The following WDPCP variants were observed in gnomAD, a reference collection of about 807,000 sequenced individuals.
WDPCP encodes WD repeat-containing and planar cell polarity effector protein fritz homolog.
Under a neutral mutation model 93.1 loss-of-function variants are expected in WDPCP, and 71 were observed. The observed-to-expected ratio is 0.76, with a 90% CI of 0.63 to 0.93. The LOEUF (loss-of-function observed/expected upper bound fraction) is 0.93. WDPCP is among the 40% of genes least tolerant of loss of function. WDPCP has a pLI of 0.00. For missense variants in WDPCP, 844 were observed against 887.4 expected (o/e 0.95, Z 0.62); for synonymous variants, 315 against 315.0 (o/e 1.00, Z 0.00).
chr2:63,707,600 A>T (rs559923932), intron 2 of WDPCP, among the ~76,000 whole-genome samples: 6 of 152,164 alleles, frequency 3.9e-5, no homozygotes, highest in African/African-American at 9.6e-5. Context: ...GAATAGTTTG[A>T]TCTTCTGAAG....
intron 9 of WDPCP, among the ~76,000 whole-genome samples, chr2:63,421,066 G>C (rs187836702): frequency 3.3e-5 from 5 of 152,274 alleles, no homozygotes; most frequent in Admixed American, 3.3e-4. Flanking sequence ...AATAGTGAAT[G>C]AGAGTTCCCT....
At chr2:63,634,225 G>A (rs144325924) in intron 3 of WDPCP, among the ~76,000 whole-genome samples, 51 of 152,290 alleles carry the variant, frequency 3.3e-4, no homozygotes, top group African/African-American at 1.2e-3. Flanking sequence ...GATAGTCCAT[G>A]CAAATGGAAA....
At chr2:63,297,502 A>C (rs1371720416) in intron 13 of WDPCP, among the ~76,000 whole-genome samples, 2 of 152,128 alleles carry the variant, frequency 1.3e-5, no homozygotes, top group African/African-American at 4.8e-5. Flanking sequence ...CATTTCCTCT[A>C]TTATTCTCCT....
At chr2:63,452,818 A>C (rs2105664115) in intron 6 of WDPCP, among the ~76,000 whole-genome samples, 1 of 152,334 alleles carries the variant, frequency 6.6e-6, no homozygotes, top group Middle Eastern at 3.4e-3. Flanking sequence ...TCTTTGACAA[A>C]CCTGACAAAA....
chr2:63,238,609 A>G (rs909710392), intron 14 of WDPCP, among the ~76,000 whole-genome samples: 5 of 152,170 alleles, frequency 3.3e-5, no homozygotes, highest in African/African-American at 1.2e-4. Context: ...GGCTTGCATT[A>G]TATTTCTATT....
chr2:63,406,049 T>C (rs1353784115), intron 9 of WDPCP, among the ~76,000 whole-genome samples: 1 of 152,158 alleles, frequency 6.6e-6, no homozygotes, highest in African/African-American at 2.4e-5. Flanking sequence ...TACTGTACTG[T>C]TTAACAATTT....
At chr2:63,209,002 G>C (rs921899812) in intron 14 of WDPCP, among the ~76,000 whole-genome samples, 66 of 152,284 alleles carry the variant, frequency 4.3e-4, no homozygotes, top group African/African-American at 1.6e-3. Context: ...GTTGTATCTG[G>C]CTGGTGTGAC....
At chr2:63,459,653 C>T (rs1349884259) in intron 6 of WDPCP, among the ~76,000 whole-genome samples, 2 of 152,152 alleles carry the variant, frequency 1.3e-5, no homozygotes, top group Admixed American at 6.5e-5. Context: ...TGGTGGCTCA[C>T]GCCTGTAATC....
intron 12 of WDPCP, among the ~76,000 whole-genome samples, chr2:63,366,143 T>C (rs1404580202): frequency 6.6e-6 from 1 of 152,186 alleles, no homozygotes; most frequent in Non-Finnish European, 1.5e-5. Flanking sequence ...TAGTTTGATA[T>C]GTGGGGTTCT....
At chr2:63,836,171 A>G in the WDPCP span, among the ~76,000 whole-genome samples, 5 of 152,216 alleles carry the variant, frequency 3.3e-5, no homozygotes, top group African/African-American at 7.2e-5. Context: ...CTTCTCTTTA[A>G]TATTTCGTTA....
intron 10 of WDPCP, among the ~76,000 whole-genome samples, chr2:63,382,894 G>C (rs541832087): frequency 1.3e-5 from 2 of 152,016 alleles, no homozygotes; most frequent in Non-Finnish European, 2.9e-5. Context: ...GAATGTGACC[G>C]TCCAACAGCC....
chr2:63,782,790 G>A (rs1043279367), intron 2 of WDPCP, among the ~76,000 whole-genome samples: 18 of 150,742 alleles, frequency 1.2e-4, no homozygotes, highest in Admixed American at 1.0e-3. Context: ...GTGTGTTTGT[G>A]TGTGTGTGTA....
At chr2:63,418,199 T>C (rs1247227650) in intron 9 of WDPCP, among the ~76,000 whole-genome samples, 3 of 152,188 alleles carry the variant, frequency 2.0e-5, no homozygotes, top group African/African-American at 7.2e-5. Flanking sequence ...TTGTCCATAC[T>C]AAGACATCTC....
intron 2 of WDPCP, among the ~76,000 whole-genome samples, chr2:63,699,205 G>C (rs1476477065): frequency 6.6e-6 from 1 of 152,120 alleles, no homozygotes; most frequent in Non-Finnish European, 1.5e-5. Context: ...CATGGTTGTA[G>C]GTCTCTCTCT....
At chr2:63,503,671 A>G (rs1701694556) in intron 1 of WDPCP, among the ~76,000 whole-genome samples, 1 of 152,182 alleles carries the variant, frequency 6.6e-6, no homozygotes, top group South Asian at 2.1e-4. Context: ...TTAATTCTAG[A>G]TTAAAACTCT....
intron 2 of WDPCP, among the ~76,000 whole-genome samples, chr2:63,788,760 G>C (rs1246638104): frequency 6.6e-6 from 1 of 152,034 alleles, no homozygotes; most frequent in Admixed American, 6.6e-5. Flanking sequence ...CTATGATTAG[G>C]TGCACATAAA....
chr2:63,146,902 G>GTTTACTGTACCTTCTTAGAAC, intron 17 of WDPCP, among the ~76,000 whole-genome samples: 1 of 152,318 alleles, frequency 6.6e-6, no homozygotes, highest in African/African-American at 2.4e-5. Context: ...GCATACGGAT[G>GTTTACTGTACCTTCTTAGAAC]TTTACTGTAC....
chr2:63,673,432 G>A (rs1398123276), intron 2 of WDPCP, among the ~76,000 whole-genome samples: 1 of 152,154 alleles, frequency 6.6e-6, no homozygotes, highest in Non-Finnish European at 1.5e-5. Context: ...CTCAAATACT[G>A]CAGTTCTGAG....
chr2:63,690,798 A>G (rs1302100565), intron 2 of WDPCP, among the ~76,000 whole-genome samples: 2 of 152,062 alleles, frequency 1.3e-5, no homozygotes, highest in Non-Finnish European at 2.9e-5. Context: ...CTTCAAGCAG[A>G]TTGCTCCGAG....
Sources: allele counts gnomAD v4.1 joint callset (sites outside exome capture counted in the v4.1 genomes callset), GRCh38; gene constraint gnomAD v4.1.1; transcripts MANE v1.5; gene names NCBI Gene and HGNC (gene_info 2026-07-23, HGNC 2026-07-21).